The following MYH14 variants were observed in gnomAD, a reference collection of about 807,000 sequenced individuals.
MYH14 encodes the protein myosin heavy chain 14.
Under a neutral mutation model 255.5 loss-of-function variants are expected in MYH14, and 123 were observed. The ratio of observed to expected loss-of-function variants is 0.48; its 90% CI spans 0.42 to 0.56. MYH14 has a LOEUF of 0.56. MYH14 is among the 20% of genes least tolerant of loss of function. MYH14 has a pLI of 0.00. For synonymous variants in MYH14, 1,095 were observed against 1,161.2 expected (o/e 0.94, Z 1.16); for missense variants, 2,423 against 2,802.3 (o/e 0.86, Z 3.06).
At chr19:50,226,992 G>A (rs2033140591) in intron 8 of MYH14, 26 bp downstream of exon 8, 1 of 1,612,206 alleles carries the variant, frequency 6.2e-7, no homozygotes, top group Non-Finnish European at 8.5e-7. Context: ...CCATGGGGGT[G>A]GCAGCCAAGG....
At position 50,303,956 on chromosome 19, in the gene MYH14, C is replaced by T. The variant is rs2036575171; in HGVS notation, c.5678+2087C>T. Among the ~76,000 whole-genome samples, 3 of 152,192 alleles carry T rather than the reference C, an allele frequency of 2.0e-5. No homozygotes were observed. The South Asian group carries it at 6.2e-4, about 32-fold the overall frequency. On this transcript the variant is annotated intron_variant, in intron 40 of 42. Transcript: ENST00000642316. The stretch of plus-strand genomic sequence containing the variant: ...ATTACTAAGCCTAATACCTTTCACT[C>T]TTCCAATACAATAGATTTTCCTATT...
chr19:50,261,681 G>A (rs2034885410), intron 21 of MYH14, 46 bp downstream of exon 21: 2 of 1,530,278 alleles, frequency 1.3e-6, no homozygotes, highest in Middle Eastern at 2.1e-4. Context: ...CCGAGACTGG[G>A]TCAGGGAGGG....
At chr19:50,228,178 A>G (rs2033199424) in intron 8 of MYH14, among the ~76,000 whole-genome samples, 1 of 151,610 alleles carries the variant, frequency 6.6e-6, no homozygotes, top group Non-Finnish European at 1.5e-5. Context: ...CCCAGCTACT[A>G]TGGAGGCTGA....
rs1207444240 is a variant in MYH14 at position 50,249,291 on chromosome 19, C to CTCTCTGGGTCTCTGTCCCCTG, written c.1482+173_1482+193dup. On this transcript the variant is annotated intron_variant, in intron 13 of 42. Transcript: ENST00000642316. ...CCCTCTCTCTGGTCTCTGTCCCCCTCTCTCTGGGTCTCTGTCCCCTGTCTC... is the reference window on the plus strand; with the variant it reads ...CCCTCTCTCTGGTCTCTGTCCCCCTCTCTCTGGGTCTCTGTCCCCTGTCTCTGGGTCTCTGTCCCCTGTCTC... The CTCTCTGGGTCTCTGTCCCCTG allele has an allele frequency of 1.3e-5, 12 of 905,408 alleles. No homozygotes were observed. In the Admixed American group the frequency reaches 2.9e-4, roughly 22 times the overall value. The allele number at this position is 905,408 out of a possible 1,614,324, so 56.1% of individuals were successfully genotyped here.
rs951456699 is a variant in MYH14 at position 50,221,961 on chromosome 19, C to A, written c.563-1122C>A. On this transcript the variant is annotated intron_variant, in intron 3 of 42. Transcript: ENST00000642316. This position sits in a 1 kb window ranked among gnomAD's most constrained non-coding sequence, Gnocchi z 5.3. ...CTTCCCCCAAGTCAATTCTTATTAC[C>A]TAACACCAGGGTTTTGGAATCCTGG... Among the ~76,000 whole-genome samples the A allele has an allele frequency of 1.3e-5, 2 of 152,124 alleles. No homozygotes were observed. The highest frequency in any genetic ancestry group is 2.4e-5 in the African/African-American group (1 of 41,416).
chr19:50,305,287 A>G (rs561699003), intron 40 of MYH14, among the ~76,000 whole-genome samples: 52 of 152,242 alleles, frequency 3.4e-4, no homozygotes, highest in South Asian at 2.1e-3. Flanking sequence ...GAAGATGAAC[A>G]AGAGAGGATG....
chr19:50,212,515 AC>A (rs1478083713), intron 2 of MYH14, among the ~76,000 whole-genome samples: 6 of 152,112 alleles, frequency 3.9e-5, no homozygotes, highest in African/African-American at 1.4e-4. Flanking sequence ...ATGTTAAGTG[AC>A]CCACAGCCAT....
intron 34 of MYH14, among the ~76,000 whole-genome samples, chr19:50,287,684 A>C (rs969182883): frequency 6.6e-6 from 1 of 152,146 alleles, no homozygotes; most frequent in African/African-American, 2.4e-5. Flanking sequence ...AAGCATTGGG[A>C]TTACAGGCAT....
At chr19:50,281,866 C>A in intron 33 of MYH14, 24 bp downstream of exon 33, 1 of 1,602,076 alleles carries the variant, frequency 6.2e-7, no homozygotes, top group Non-Finnish European at 8.5e-7. Flanking sequence ...GTTCACCCAG[C>A]CGGGGAATCA....
At position 50,231,990 on chromosome 19, in the gene MYH14, C is replaced by G. The variant is rs35315400; in HGVS notation, c.1034C>G (p.Ser345Cys). The change falls in exon 10 of 43, where the codon TCT (serine) becomes TGT (cysteine). Residue 345 changes from serine (S) to cysteine (C), a missense_variant. Ser to Cys is a moderately radical substitution (Grantham distance 112). Transcript: ENST00000642316. The stretch of plus-strand genomic sequence containing the variant: ...TTCCTGACCAACGGGCCGTCATCCT[C>G]TCCCGGCCAGGAGCGGGAACTCTTC... ...YRFLTNGPSSSPGQERELFQE... is the reference protein window; with the variant it reads ...YRFLTNGPSSCPGQERELFQE... 4.0e-4 allele frequency: 638 copies of G among 1,613,954 alleles called. 3 individuals carry two copies. The African/African-American group carries it at 7.8e-3, about 20-fold the overall frequency.
chr19:50,272,471 A>C, intron 26 of MYH14, 89 bp from the exon 27 acceptor site: 1 of 1,376,822 alleles, frequency 7.3e-7, no homozygotes, highest in Non-Finnish European at 1.0e-6. Flanking sequence ...GCTTAGCCTT[A>C]TATGTGACTG....
At chr19:50,232,106 A>T (rs369465910) in intron 10 of MYH14, 36 bp downstream of exon 10, 16 of 1,604,886 alleles carry the variant, frequency 1.0e-5, no homozygotes, top group Admixed American at 3.3e-5. Flanking sequence ...GGTAGGGGGG[A>T]ACCCCACGGA....
At chr19:50,260,572 G>C in intron 19 of MYH14, 74 bp from the exon 20 acceptor site, 3 of 1,020,986 alleles carry the variant, frequency 2.9e-6, no homozygotes, top group Non-Finnish European at 4.6e-6. Context: ...TGAGCCCAGT[G>C]CCTGGCCCGC....
chr19:50,278,237 G>A lies in MYH14; in HGVS notation c.3980G>A (p.Gly1327Asp). 5.0e-6 allele frequency: 8 copies of A among 1,598,020 alleles called. No homozygotes were observed. The highest frequency in any genetic ancestry group is 1.3e-5 in the African/African-American group (1 of 74,756). Residue 1327 changes from glycine (G) to aspartate (D), a missense_variant, in exon 30 of 43, where the codon GGT (glycine) becomes GAT (aspartate). Around this residue, in one of 3 missense-constraint regions of MYH14, gnomAD observed 1,513 missense variants for 1,674.8 expected, o/e 0.90. Coordinates refer to ENST00000642316, the MANE Select transcript of MYH14 (RefSeq NM_001145809.2). Reference protein sequence around the residue: ...LQLQEVQGRAGDGERARAEAA... With the variant: ...LQLQEVQGRADDGERARAEAA... ...CTGCAGGAGGTGCAGGGCCGGGCTG[G>A]TGATGGGGAGAGGGCACGAGCGGAG...
chr19:50,301,652 C>G lies in MYH14; in HGVS notation c.5470-9C>G. 6.2e-7 allele frequency: 1 copy of G among 1,605,686 alleles called. No individual in the cohort carries two copies. Among genetic ancestry groups the G allele is most frequent in the South Asian group, 1.1e-5 (1 of 90,956 alleles). On this transcript the variant is annotated splice_polypyrimidine_tract_variant and intron_variant, in intron 39 of 42. Transcript: ENST00000642316. ...CACCATGACATCCTTCCTTCCCCTC[C>G]TGCTACAGGTAGAGTCACTGACCAC... is the stretch of plus-strand genomic sequence containing the variant.
At chr19:50,251,655 G>T (rs1307991856) in intron 15 of MYH14, among the ~76,000 whole-genome samples, 1 of 151,724 alleles carries the variant, frequency 6.6e-6, no homozygotes, top group Non-Finnish European at 1.5e-5. Flanking sequence ...TCGGCTCACT[G>T]CAATCTCCGC....
intron 18 of MYH14, 52 bp from the exon 19 acceptor site, chr19:50,259,092 G>C: frequency 6.6e-7 from 1 of 1,525,190 alleles, no homozygotes; most frequent in South Asian, 1.2e-5. Flanking sequence ...TGACCGTTTG[G>C]CGCCCCCGTG....
intron 5 of MYH14, 122 bp from the exon 6 acceptor site, chr19:50,224,032 T>TGGCCCCCCCCCCCCCCCCCCCCCCC: frequency 3.3e-6 from 2 of 610,322 alleles, no homozygotes; most frequent in Non-Finnish European, 3.0e-6. Context: ...ATGCCCGGTT[T>TGGCCCCCCCCCCCCCCCCCCCCCCC]CCCCAGTCCC....
rs113762784 is a variant in MYH14 at position 50,266,840 on chromosome 19, T to C, written c.2695-37T>C. 3,039 of 1,551,114 alleles carry C rather than the reference T, an allele frequency of 2.0e-3. 51 individuals are homozygous for C. The African/African-American group carries it at 0.036, about 18-fold the overall frequency. On this transcript the variant is annotated intron_variant, in intron 22 of 42. Transcript: ENST00000642316. The surrounding 1 kb of genome is among the most constrained non-coding windows in gnomAD (Gnocchi z 4.1). Reference sequence around the variant, plus strand: ...ACTAAGAGTGTGAGGTCTTGGCGCCTGAAGTCAGCCATTCCACCCCTTTCA... The same window carrying C: ...ACTAAGAGTGTGAGGTCTTGGCGCCCGAAGTCAGCCATTCCACCCCTTTCA...
Sources: gnomAD v4.1 joint callset for allele counts (sites outside exome capture counted in the v4.1 genomes callset) on GRCh38, gnomAD v4.1.1 for gene constraint, gnomAD v4.1.1 regional missense constraint, Gnocchi (gnomAD v3.1) non-coding constraint, MANE v1.5 for transcripts, NCBI Gene and HGNC (gene_info 2026-07-23, HGNC 2026-07-21) for gene names.